The following THSD4 variants were observed in gnomAD, a reference collection of about 807,000 sequenced individuals.
The protein encoded by THSD4 is thrombospondin type-1 domain-containing protein 4.
Under a neutral mutation model 119.0 loss-of-function variants are expected in THSD4, and 69 were observed. The ratio of observed to expected loss-of-function variants is 0.58; its 90% confidence interval spans 0.48 to 0.71. The LOEUF is 0.71. THSD4 is among the 30% of genes least tolerant of loss of function. The probability of loss-of-function intolerance (pLI) is 0.00; values close to 1 mark genes in which losing one functional copy is unlikely to be tolerated. For synonymous variants in THSD4, 524 were observed against 540.4 expected, an observed-to-expected ratio of 0.97 and a Z score of 0.42; for missense variants, 1,393 against 1,391.1, an observed-to-expected ratio of 1.00 and a Z score of -0.02.
intron 2 of THSD4, among the ~76,000 whole-genome samples, chr15:71,145,232 C>G (rs2040645760): frequency 6.6e-6 from 1 of 151,934 alleles, no homozygotes; most frequent in Non-Finnish European, 1.5e-5. Context: ...CAAGTGAAAG[C>G]AAAGAGAAAA....
chr15:71,608,677 A>T (rs1038206764), intron 7 of THSD4, among the ~76,000 whole-genome samples: 6 of 152,144 alleles, frequency 3.9e-5, no homozygotes, highest in Non-Finnish European at 8.8e-5. Flanking sequence ...AAGTGTCTTG[A>T]TCCCTATCAA....
intron 1 of THSD4, among the ~76,000 whole-genome samples, chr15:71,107,590 G>A (rs1044255244): frequency 6.6e-6 from 1 of 152,104 alleles, no homozygotes; most frequent in African/African-American, 2.4e-5. Flanking sequence ...ACAGGACTGG[G>A]TCAGGAGAAG....
intron 7 of THSD4, among the ~76,000 whole-genome samples, chr15:71,640,834 T>C (rs1019336904): frequency 6.6e-6 from 1 of 152,252 alleles, no homozygotes; most frequent in African/African-American, 2.4e-5. Flanking sequence ...ATTAAGCCCA[T>C]TGAGAGCAGG....
intron 5 of THSD4, among the ~76,000 whole-genome samples, chr15:71,248,255 T>C (rs1238523983): frequency 1.3e-5 from 2 of 152,132 alleles, no homozygotes; most frequent in Non-Finnish European, 2.9e-5. Flanking sequence ...CACTCCAGCT[T>C]GGGGGGCAGA....
chr15:71,381,082 G>A (rs1004741336), intron 6 of THSD4, among the ~76,000 whole-genome samples: 8 of 152,042 alleles, frequency 5.3e-5, no homozygotes, highest in Non-Finnish European at 7.4e-5. Flanking sequence ...ATTTTAGCAA[G>A]CTTAGAATAG....
At chr15:71,136,996 T>G (rs2040557824) in intron 1 of THSD4, among the ~76,000 whole-genome samples, 2 of 152,146 alleles carry the variant, frequency 1.3e-5, no homozygotes, top group African/African-American at 4.8e-5. Flanking sequence ...CTCCTCCTGG[T>G]GTGTGGGGAT....
At chr15:71,311,798 TTC>T (rs1352813774) in intron 6 of THSD4, among the ~76,000 whole-genome samples, 1 of 152,152 alleles carries the variant, frequency 6.6e-6, no homozygotes, top group Non-Finnish European at 1.5e-5. Context: ...GTCACTCCTC[TTC>T]AGTCTGTTAG....
At chr15:71,180,174 A>T (rs1287134176) in intron 3 of THSD4, among the ~76,000 whole-genome samples, 28 of 19,818 alleles carry the variant, frequency 1.4e-3, no homozygotes, top group East Asian at 0.019. Flanking sequence ...AAAAAAATAA[A>T]AAAAAAAAAA....
chr15:71,626,105 A>G (rs1048725710), intron 7 of THSD4, among the ~76,000 whole-genome samples: 1 of 152,102 alleles, frequency 6.6e-6, no homozygotes, highest in South Asian at 2.1e-4. Context: ...GTTTGGTGCT[A>G]TTGTGAAGAG....
intron 7 of THSD4, among the ~76,000 whole-genome samples, chr15:71,551,882 A>AT (rs1178725486): frequency 6.6e-6 from 1 of 152,250 alleles, no homozygotes; most frequent in Non-Finnish European, 1.5e-5. Flanking sequence ...GTAGAGGCGC[A>AT]GCAAGCAAGC....
intron 8 of THSD4, among the ~76,000 whole-genome samples, chr15:71,679,932 G>A (rs1057429440): frequency 1.1e-4 from 16 of 152,294 alleles, no homozygotes; most frequent in African/African-American, 2.4e-4. Flanking sequence ...AAATTTGACC[G>A]TGTTAGAAAA....
chr15:71,438,331 T>C (rs1178219629), intron 7 of THSD4, among the ~76,000 whole-genome samples: 1 of 35,422 alleles, frequency 2.8e-5, no homozygotes, highest in Admixed American at 2.9e-4. Flanking sequence ...TGAAATTTTG[T>C]TTATTTTTGC....
intron 14 of THSD4, among the ~76,000 whole-genome samples, chr15:71,756,341 GGTA>G (rs1368269597): frequency 2.6e-5 from 4 of 152,092 alleles, no homozygotes; most frequent in Non-Finnish European, 5.9e-5. Context: ...GAAGCAAGAG[GGTA>G]GGAGAATAGT....
At position 71,199,439 on chromosome 15, in the gene THSD4, CTG is replaced by C. The variant is rs1333204281; in HGVS notation, c.100-15583_100-15582del. 4.8e-3 allele frequency among the ~76,000 whole-genome samples: 564 copies of C among 118,026 alleles called. 1 individual carries two copies. Among genetic ancestry groups the C allele is most frequent in the African/African-American group, 0.016 (543 of 33,682 alleles). The allele number at this position is 118,026 out of a possible 152,430, so 77.4% of individuals were successfully genotyped here. ...ACTGTTGACATTTTGGGCCAGATAA[CTG>C]TGTGTGTGTGTGGGGGGGGGTGTGT... is the stretch of plus-strand genomic sequence containing the variant. On this transcript the variant is annotated intron_variant, in intron 3 of 17. Transcript: ENST00000261862.
chr15:71,648,975 G>A (rs890227555), intron 7 of THSD4, among the ~76,000 whole-genome samples: 4 of 152,160 alleles, frequency 2.6e-5, no homozygotes, highest in Non-Finnish European at 5.9e-5. Flanking sequence ...TGTCACCTGC[G>A]GGTGTAATGT....
At chr15:71,361,615 A>G (rs2045892720) in intron 6 of THSD4, among the ~76,000 whole-genome samples, 1 of 152,200 alleles carries the variant, frequency 6.6e-6, no homozygotes, top group Non-Finnish European at 1.5e-5. Context: ...TTATAAATGC[A>G]CTTTTTTTTG....
chr15:71,411,649 T>C (rs777831235), intron 6 of THSD4, 38 bp from the exon 7 acceptor site: 54 of 1,575,198 alleles, frequency 3.4e-5, no homozygotes, highest in Non-Finnish European at 4.6e-5. Flanking sequence ...TGCTTATACC[T>C]TATCTTTATT....
intron 6 of THSD4, among the ~76,000 whole-genome samples, chr15:71,295,959 G>T (rs2044856426): frequency 6.6e-6 from 1 of 152,124 alleles, no homozygotes; most frequent in Admixed American, 6.5e-5. Context: ...TAACATACTT[G>T]AGGTTCATTA....
chr15:71,371,200 A>G (rs1295857776), intron 6 of THSD4, among the ~76,000 whole-genome samples: 2 of 152,210 alleles, frequency 1.3e-5, no homozygotes, highest in African/African-American at 4.8e-5. Flanking sequence ...TCTCCTGAAT[A>G]CAGCACACTG....
Sources: allele counts gnomAD v4.1 joint callset (sites outside exome capture counted in the v4.1 genomes callset), GRCh38; gene constraint gnomAD v4.1.1; transcripts MANE v1.5; gene names NCBI Gene and HGNC (gene_info 2026-07-23, HGNC 2026-07-21).